Variants in GLRA2 observed in about 807,000 individuals in gnomAD.
The protein encoded by GLRA2 is glycine receptor alpha 2.
In GLRA2, 11 loss-of-function variants were observed where a neutral mutation model predicts 31.6. The ratio of observed to expected loss-of-function variants is 0.35; its 90% confidence interval spans 0.22 to 0.58. The LOEUF is 0.58. Among genes scored for constraint, GLRA2 ranks in the 20% least tolerant of loss-of-function variants. The pLI is 0.84. For missense variants in GLRA2, 212 were observed against 351.8 expected, an observed-to-expected ratio of 0.60 and a Z score of 3.18; for synonymous variants, 132 against 134.0, an observed-to-expected ratio of 0.99 and a Z score of 0.10.
chrX:14,536,092 A>G lies in GLRA2; in HGVS notation c.202+3720A>G, dbSNP rs2089319903. Reference sequence around the variant, plus strand: ...CTTCTTTGTGCCTGCCATGCACACTATTTTTTTCCCACATCTAGAGACCTA... The same window carrying G: ...CTTCTTTGTGCCTGCCATGCACACTGTTTTTTTCCCACATCTAGAGACCTA... On this transcript the variant is annotated intron_variant, in intron 2 of 8. Coordinates refer to ENST00000218075, the MANE Select transcript of GLRA2 (RefSeq NM_002063.4). 1.8e-5 allele frequency among the ~76,000 whole-genome samples: 2 copies of G among 111,792 alleles called. 1 individual carries two copies. The highest frequency in any genetic ancestry group is 7.3e-4 in the South Asian group (2 of 2,722).
intron 2 of GLRA2, among the ~76,000 whole-genome samples, chrX:14,544,310 T>C (rs1175568653): frequency 8.9e-6 from 1 of 111,941 alleles, no homozygotes; most frequent in African/African-American, 3.2e-5. Context: ...AGCTGACAAA[T>C]ATATACATTT....
the GLRA2 span, among the ~76,000 whole-genome samples, chrX:14,513,700 CA>C: frequency 9.0e-6 from 1 of 111,503 alleles, no homozygotes; most frequent in African/African-American, 3.3e-5. Flanking sequence ...AAATTAAAAT[CA>C]AAAACACAAT....
chrX:14,631,607 CTATT>C (rs1448038766), intron 7 of GLRA2, among the ~76,000 whole-genome samples: 1 of 109,397 alleles, frequency 9.1e-6, no homozygotes, highest in Non-Finnish European at 1.9e-5. Flanking sequence ...TTTGAGCACT[CTATT>C]TAATACCTTA....
At chrX:14,573,855 C>T (rs1178931540) in intron 2 of GLRA2, among the ~76,000 whole-genome samples, 1 of 110,187 alleles carries the variant, frequency 9.1e-6, no homozygotes, top group Admixed American at 9.7e-5. Context: ...TCAGAGGTGT[C>T]AAGAAAATCA....
intron 8 of GLRA2, among the ~76,000 whole-genome samples, chrX:14,726,848 T>C (rs1601904233): frequency 8.9e-6 from 1 of 112,447 alleles, no homozygotes; most frequent in East Asian, 2.8e-4. Context: ...ACATACCCTT[T>C]CTATTTCTTT....
chrX:14,506,314 A>ACCT, the GLRA2 span, among the ~76,000 whole-genome samples: 1 of 109,214 alleles, frequency 9.2e-6, no homozygotes, highest in Non-Finnish European at 1.9e-5. Flanking sequence ...TGATCTACTT[A>ACCT]CCTCCTCCTC....
chrX:14,574,983 A>G (rs1280717928), intron 3 of GLRA2, among the ~76,000 whole-genome samples: 1 of 110,157 alleles, frequency 9.1e-6, no homozygotes, highest in Non-Finnish European at 1.9e-5. Context: ...CATTCAAGAT[A>G]TATTCCAAAG....
At chrX:14,460,655 T>G in the GLRA2 span, among the ~76,000 whole-genome samples, 1 of 112,400 alleles carries the variant, frequency 8.9e-6, no homozygotes, top group African/African-American at 3.2e-5. Flanking sequence ...TAGAGATGTT[T>G]ATGGTATTCT....
chrX:14,498,638 A>G, the GLRA2 span, among the ~76,000 whole-genome samples: 1 of 111,383 alleles, frequency 9.0e-6, no homozygotes, highest in East Asian at 2.8e-4. Context: ...TCTTCTAGTT[A>G]TTTTTGAAAC....
chrX:14,602,149 A>C (rs1341646523), intron 4 of GLRA2, among the ~76,000 whole-genome samples: 2 of 111,531 alleles, frequency 1.8e-5, no homozygotes, highest in African/African-American at 3.3e-5. Flanking sequence ...TCTTGGAGAT[A>C]CAGAAAAATG....
the GLRA2 span, among the ~76,000 whole-genome samples, chrX:14,523,662 TG>T: frequency 9.0e-6 from 1 of 111,335 alleles, no homozygotes; most frequent in African/African-American, 3.3e-5. Flanking sequence ...TCAATATTGT[TG>T]TGTCTCAGGG....
At chrX:14,585,481 T>G (rs904122800) in intron 4 of GLRA2, among the ~76,000 whole-genome samples, 1 of 111,992 alleles carries the variant, frequency 8.9e-6, no homozygotes, top group Non-Finnish European at 1.9e-5. Context: ...TGGGCTCAAT[T>G]TAACTAGAGG....
intron 7 of GLRA2, among the ~76,000 whole-genome samples, chrX:14,658,945 AAT>A (rs1203843229): frequency 8.9e-6 from 1 of 111,846 alleles, no homozygotes; most frequent in Non-Finnish European, 1.9e-5. Flanking sequence ...TGATAGGGTA[AAT>A]GAATACAAAT....
At chrX:14,517,208 T>C in the GLRA2 span, among the ~76,000 whole-genome samples, 2 of 112,294 alleles carry the variant, frequency 1.8e-5, no homozygotes, top group Admixed American at 9.4e-5. Flanking sequence ...GCATCATATA[T>C]AATCTATGCA....
At chrX:14,644,517 G>T (rs911834833) in intron 7 of GLRA2, among the ~76,000 whole-genome samples, 2 of 111,562 alleles carry the variant, frequency 1.8e-5, no homozygotes, top group Non-Finnish European at 3.8e-5. Flanking sequence ...TTCATGACCT[G>T]CTACTTCAAA....
At chrX:14,714,134 T>A (rs2091751211) in intron 8 of GLRA2, among the ~76,000 whole-genome samples, 1 of 110,733 alleles carries the variant, frequency 9.0e-6, no homozygotes, top group African/African-American at 3.3e-5. Context: ...TTCCTGATAC[T>A]AGATATATTG....
chrX:14,716,997 T>G (rs1048071641), intron 8 of GLRA2, among the ~76,000 whole-genome samples: 1 of 110,799 alleles, frequency 9.0e-6, no homozygotes, highest in Non-Finnish European at 1.9e-5. Flanking sequence ...ATATGCCTCC[T>G]ATTATACTCT....
At chrX:14,720,907 G>A (rs971070853) in intron 8 of GLRA2, among the ~76,000 whole-genome samples, 4 of 110,481 alleles carry the variant, frequency 3.6e-5, no homozygotes, top group South Asian at 3.9e-4. Context: ...CAAGATGGGA[G>A]GATTGCTTGA....
intron 7 of GLRA2, among the ~76,000 whole-genome samples, chrX:14,626,243 A>G (rs143135304): frequency 0.025 from 2,793 of 112,118 alleles, 39 homozygotes; most frequent in Non-Finnish European, 0.041. Flanking sequence ...TCAGTAGTCA[A>G]TTCAAATCCT....
Sources: gnomAD v4.1 joint callset for allele counts (sites outside exome capture counted in the v4.1 genomes callset) on GRCh38, gnomAD v4.1.1 for gene constraint, MANE v1.5 for transcripts, NCBI Gene and HGNC (gene_info 2026-07-23, HGNC 2026-07-21) for gene names.